Variants in WDR25 observed in about 807,000 individuals in gnomAD.
WDR25 encodes WD repeat domain 25, also known as WD repeat-containing protein 25.
In WDR25, 35 loss-of-function variants were observed where a neutral mutation model predicts 47.7. The observed-to-expected ratio is 0.73, with a 90% CI of 0.56 to 0.97. The LOEUF (loss-of-function observed/expected upper bound fraction) is 0.97. Ranked by LOEUF, WDR25 falls within the 50% of genes least tolerant of loss-of-function variation. WDR25 has a pLI of 0.00. For synonymous variants in WDR25, 248 were observed against 278.9 expected (o/e 0.89, Z 1.10); for missense variants, 634 against 704.7 (o/e 0.90, Z 1.14).
At chr14:100,420,858 G>A (rs1898006223) in intron 2 of WDR25, among the ~76,000 whole-genome samples, 1 of 152,170 alleles carries the variant, frequency 6.6e-6, no homozygotes, top group Non-Finnish European at 1.5e-5. Context: ...GGACCCAGGT[G>A]AAGCCATGCT....
chr14:100,437,647 G>A (rs113784796), intron 2 of WDR25, among the ~76,000 whole-genome samples: 1,613 of 152,180 alleles, frequency 0.011, 16 homozygotes, highest in Middle Eastern at 0.037. Flanking sequence ...ATTATTATTA[G>A]TATTATTACT....
At chr14:100,390,270 TTG>T (rs1278318240) in intron 2 of WDR25, among the ~76,000 whole-genome samples, 1 of 152,210 alleles carries the variant, frequency 6.6e-6, no homozygotes, top group East Asian at 1.9e-4. Context: ...TCTGAAATGT[TTG>T]TCTCTTTCTT....
At chr14:100,388,585 C>G (rs1008044205) in intron 2 of WDR25, among the ~76,000 whole-genome samples, 3 of 152,222 alleles carry the variant, frequency 2.0e-5, no homozygotes. Flanking sequence ...CTGGAATCTT[C>G]TCTTCGTGGG....
intron 4 of WDR25, among the ~76,000 whole-genome samples, chr14:100,489,859 G>A (rs7156672): frequency 0.068 from 10,336 of 152,148 alleles, 1,157 homozygotes; most frequent in African/African-American, 0.24. Context: ...TTCTCTGCTC[G>A]CTCTGGGACT....
chr14:100,490,316 C>T (rs1385855008), intron 4 of WDR25, among the ~76,000 whole-genome samples: 1 of 152,236 alleles, frequency 6.6e-6, no homozygotes, highest in Non-Finnish European at 1.5e-5. Context: ...AGGGCGCAAA[C>T]TGTCGCATGA....
chr14:100,444,667 T>C (rs1898775453), intron 2 of WDR25, among the ~76,000 whole-genome samples: 1 of 152,190 alleles, frequency 6.6e-6, no homozygotes, highest in Non-Finnish European at 1.5e-5. Context: ...CCTGGGACTA[T>C]ACAGAGGGTG....
Position 100,529,003 on chromosome 14 carries a change from C to A in WDR25, c.1273-65C>A. 2 of 1,495,560 alleles carry A rather than the reference C, an allele frequency of 1.3e-6. No homozygotes were observed. Among genetic ancestry groups the A allele is most frequent in the Non-Finnish European group, 1.8e-6 (2 of 1,120,814 alleles). 92.6% of individuals were successfully genotyped at this position (1,495,560 alleles called of 1,614,324 possible). A position where few individuals can be genotyped will look rare whatever the true frequency, so the allele number is the denominator to read the frequency against. On this transcript the variant is annotated intron_variant, in intron 5 of 6. Coordinates refer to ENST00000402312, the MANE Select transcript of WDR25 (RefSeq NM_001161476.3). This position sits in a 1 kb window ranked among gnomAD's most constrained non-coding sequence, Gnocchi z 5.1. ...CTAGGGTCTGGGAGCAGGCCCCAGGCCCCAGAGCAGAGTGCCAGGTTGGGG... is the reference window on the plus strand; with the variant it reads ...CTAGGGTCTGGGAGCAGGCCCCAGGACCCAGAGCAGAGTGCCAGGTTGGGG...
At chr14:100,473,874 C>G (rs959535141) in intron 3 of WDR25, among the ~76,000 whole-genome samples, 18 of 152,280 alleles carry the variant, frequency 1.2e-4, no homozygotes, top group African/African-American at 4.3e-4. Flanking sequence ...GCTAGCGTAG[C>G]TTAGGAGGAC....
intron 4 of WDR25, among the ~76,000 whole-genome samples, chr14:100,497,659 T>C (rs1900778681): frequency 6.6e-6 from 1 of 152,200 alleles, no homozygotes; most frequent in Non-Finnish European, 1.5e-5. Flanking sequence ...AGAGGTGGGC[T>C]GCAGGAGGTG....
At chr14:100,383,270 C>A (rs1019085790) in intron 2 of WDR25, among the ~76,000 whole-genome samples, 2 of 152,320 alleles carry the variant, frequency 1.3e-5, no homozygotes, top group East Asian at 1.9e-4. Context: ...GCTTTTCCTG[C>A]CATTCCGGGG....
Position 100,506,039 on chromosome 14 carries a change from CAGTT to C in WDR25, c.1102-19826_1102-19823del, listed in dbSNP as rs1351487094. Among the ~76,000 whole-genome samples, 2 of 152,158 alleles carry C rather than the reference CAGTT, an allele frequency of 1.3e-5. No homozygotes were observed. The highest frequency in any genetic ancestry group is 2.4e-5 in the African/African-American group (1 of 41,430). On this transcript the variant is annotated intron_variant, in intron 4 of 6. Transcript: ENST00000402312. This position sits in a 1 kb window ranked among gnomAD's most constrained non-coding sequence, Gnocchi z 4.8. ...CCCAGTTACTGAGCATAGTACTCAA[CAGTT>C]AGTTTTTCAACCCTTGCCCGCTCCC...
In WDR25 at chr14:100,529,644, C is replaced by A. The variant is rs1230739641; in HGVS notation, c.1414-176C>A. On this transcript the variant is annotated intron_variant, in intron 6 of 6. Coordinates refer to ENST00000402312, the MANE Select transcript of WDR25 (RefSeq NM_001161476.3). This position sits in a 1 kb window ranked among gnomAD's most constrained non-coding sequence, Gnocchi z 5.1. The stretch of plus-strand genomic sequence containing the variant: ...GAACTGGCCTTGGGATGTGGGCCCG[C>A]ATCAGGGCTCTACAGCCTCATGGGC... 5.7e-6 allele frequency: 4 copies of A among 701,862 alleles called. No individual in the cohort carries two copies. The highest frequency in any genetic ancestry group is 9.3e-6 in the Non-Finnish European group (4 of 428,528). The allele number at this position is 701,862 out of a possible 1,614,324, so 43.5% of individuals were successfully genotyped here.
rs780239919 is a variant in WDR25 at position 100,425,228 on chromosome 14, G to T, written c.823-42793G>T. Reference sequence around the variant, plus strand: ...GGTCCTGGGTCCTTGGAGGCTGGTTGTGTCAGCCCTTCTCCATCCTACCTC... The same window carrying T: ...GGTCCTGGGTCCTTGGAGGCTGGTTTTGTCAGCCCTTCTCCATCCTACCTC... On this transcript the variant is annotated intron_variant, in intron 2 of 6. Transcript: ENST00000402312. The surrounding 1 kb of genome is among the most constrained non-coding windows in gnomAD (Gnocchi z 4.8). Among the ~76,000 whole-genome samples, 2 of 152,208 alleles carry T rather than the reference G, an allele frequency of 1.3e-5. No homozygotes were observed. Among genetic ancestry groups the T allele is most frequent in the Admixed American group, 6.5e-5 (1 of 15,280 alleles).
intron 2 of WDR25, among the ~76,000 whole-genome samples, chr14:100,388,869 G>A (rs76317857): frequency 1.3e-5 from 2 of 152,178 alleles, no homozygotes; most frequent in Non-Finnish European, 2.9e-5. Flanking sequence ...GAAAACAGCC[G>A]TGTGAAGGTG....
At chr14:100,438,339 G>A (rs1898563418) in intron 2 of WDR25, among the ~76,000 whole-genome samples, 1 of 152,226 alleles carries the variant, frequency 6.6e-6, no homozygotes, top group Admixed American at 6.5e-5. Flanking sequence ...GGCATTGCCA[G>A]GAATTCAGAA....
At chr14:100,520,929 C>T (rs764992768) in intron 4 of WDR25, among the ~76,000 whole-genome samples, 1 of 152,132 alleles carries the variant, frequency 6.6e-6, no homozygotes, top group Non-Finnish European at 1.5e-5. Context: ...CTTATTTGTG[C>T]AGTTAAGCTA....
chr14:100,519,232 GT>G (rs201921810), intron 4 of WDR25, among the ~76,000 whole-genome samples: 18 of 150,274 alleles, frequency 1.2e-4, no homozygotes, highest in Admixed American at 1.1e-3. Flanking sequence ...TTTGTCCAGA[GT>G]TTTTTTGTGT....
chr14:100,465,402 A>G (rs1459675805), intron 2 of WDR25, among the ~76,000 whole-genome samples: 4 of 151,980 alleles, frequency 2.6e-5, no homozygotes, highest in African/African-American at 7.3e-5. Context: ...TCTACTTTCT[A>G]TCTATCTCTA....
rs578098679 is a variant in WDR25, at chr14:100,448,453, C to G, written c.823-19568C>G. Among the ~76,000 whole-genome samples, 32 of 152,264 alleles carry G rather than the reference C, an allele frequency of 2.1e-4. No individual in the cohort carries two copies. The South Asian group carries it at 5.8e-3, about 28-fold the overall frequency. On this transcript the variant is annotated intron_variant, in intron 2 of 6. Coordinates refer to ENST00000402312, the MANE Select transcript of WDR25 (RefSeq NM_001161476.3). The stretch of plus-strand genomic sequence containing the variant: ...CCTGGGCCCCAGGTGAGAAGCGCCC[C>G]AGAAAGAGAAGCACATGCATGCTGG...
Sources: gnomAD v4.1 joint callset for allele counts (sites outside exome capture counted in the v4.1 genomes callset) on GRCh38, gnomAD v4.1.1 for gene constraint, Gnocchi (gnomAD v3.1) non-coding constraint, MANE v1.5 for transcripts, NCBI Gene and HGNC (gene_info 2026-07-23, HGNC 2026-07-21) for gene names.